Variants in SUCLG2 observed in about 807,000 individuals in gnomAD.
SUCLG2 encodes the protein succinate-CoA ligase GDP-forming subunit beta, also known as succinate--CoA ligase [GDP-forming] subunit beta, mitochondrial.
A neutral mutation model predicts 47.9 loss-of-function variants in SUCLG2; 42 were observed. The ratio of observed to expected loss-of-function variants is 0.88; its 90% CI spans 0.69 to 1.14. The LOEUF (loss-of-function observed/expected upper bound fraction) is 1.14, where lower values mean the gene tolerates loss of function less well. Ranked by LOEUF, SUCLG2 falls within the 50% of genes most tolerant of loss-of-function variation. The pLI, the probability that SUCLG2 is intolerant of heterozygous loss-of-function variation, is 0.00. For synonymous variants in SUCLG2, 195 were observed against 197.3 expected, an observed-to-expected ratio of 0.99 and a Z score of 0.10; for missense variants, 571 against 525.9, an observed-to-expected ratio of 1.09 and a Z score of -0.84.
intron 9 of SUCLG2, among the ~76,000 whole-genome samples, chr3:67,461,810 C>T (rs1575711813): frequency 6.6e-6 from 1 of 151,992 alleles, no homozygotes; most frequent in Non-Finnish European, 1.5e-5. Context: ...TGGTCCATCC[C>T]GCCCCAGTTC....
intron 9 of SUCLG2, among the ~76,000 whole-genome samples, chr3:67,477,233 G>A (rs961048457): frequency 1.3e-4 from 20 of 152,096 alleles, no homozygotes; most frequent in African/African-American, 4.8e-4. Context: ...CTGGAGTAAG[G>A]TCTGGGTATG....
chr3:67,449,917 T>C (rs897214462), intron 9 of SUCLG2, among the ~76,000 whole-genome samples: 4 of 152,180 alleles, frequency 2.6e-5, no homozygotes, highest in African/African-American at 9.7e-5. Flanking sequence ...TCGGCCATGC[T>C]GAATATTTTA....
intron 9 of SUCLG2, among the ~76,000 whole-genome samples, chr3:67,445,772 T>A (rs182902458): frequency 0.13 from 7,151 of 54,548 alleles, 1,715 homozygotes; most frequent in African/African-American, 0.25. Context: ...AAATTTCATT[T>A]AAAAAAAAAA....
chr3:67,484,108 C>G (rs1472594367), intron 9 of SUCLG2, among the ~76,000 whole-genome samples: 2 of 152,234 alleles, frequency 1.3e-5, no homozygotes, highest in African/African-American at 2.4e-5. Flanking sequence ...TAAGGCCCCT[C>G]CCTACTGCCA....
intron 10 of SUCLG2, among the ~76,000 whole-genome samples, chr3:67,384,659 A>G (rs1003877651): frequency 6.6e-6 from 1 of 152,226 alleles, no homozygotes; most frequent in African/African-American, 2.4e-5. Flanking sequence ...CTGACTTGAT[A>G]TAGTGGTAAG....
At chr3:67,550,907 G>A (rs1706997420) in intron 2 of SUCLG2, among the ~76,000 whole-genome samples, 1 of 152,084 alleles carries the variant, frequency 6.6e-6, no homozygotes, top group South Asian at 2.1e-4. Context: ...AACGGGGGGT[G>A]GGGGCAGGGG....
At chr3:67,475,717 T>A (rs61266458) in intron 9 of SUCLG2, among the ~76,000 whole-genome samples, 1,931 of 149,984 alleles carry the variant, frequency 0.013, 47 homozygotes, top group African/African-American at 0.045. Flanking sequence ...TTCCTTCCCC[T>A]CCTTTTTTTT....
At chr3:67,631,520 G>A (rs965704911) in intron 1 of SUCLG2, among the ~76,000 whole-genome samples, 4 of 152,070 alleles carry the variant, frequency 2.6e-5, no homozygotes, top group Non-Finnish European at 2.9e-5. Flanking sequence ...CCAGCTACTC[G>A]GGAGGCTGAG....
In SUCLG2 at chr3:67,423,584, T is replaced by C. The variant is rs796147090; in HGVS notation, c.1063-22733A>G. Reference sequence around the variant, plus strand: ...CATTTGAGTCTATCTTCCTCATGCCTCCCTCACCTCTTGGAGCCCAAATAC... The same window carrying C: ...CATTTGAGTCTATCTTCCTCATGCCCCCCTCACCTCTTGGAGCCCAAATAC... On this transcript the variant is annotated intron_variant, in intron 9 of 10. Coordinates refer to ENST00000307227, the MANE Select transcript of SUCLG2 (RefSeq NM_003848.4). 2.6e-5 allele frequency among the ~76,000 whole-genome samples: 4 copies of C among 152,148 alleles called. No individual in the cohort carries two copies. In the South Asian group the frequency reaches 8.3e-4, roughly 32 times the overall value.
intron 4 of SUCLG2, among the ~76,000 whole-genome samples, chr3:67,527,294 C>T (rs753820097): frequency 5.9e-5 from 9 of 152,324 alleles, no homozygotes; most frequent in South Asian, 2.1e-4. Context: ...GACCCTAATT[C>T]GCTGTTAGGA....
intron 2 of SUCLG2, among the ~76,000 whole-genome samples, chr3:67,566,939 C>A (rs1462677458): frequency 6.6e-6 from 1 of 152,154 alleles, no homozygotes; most frequent in African/African-American, 2.4e-5. Flanking sequence ...AATCCCAGCA[C>A]TTTGGGAGGC....
At chr3:67,449,480 G>A (rs1704002039) in intron 9 of SUCLG2, among the ~76,000 whole-genome samples, 1 of 151,122 alleles carries the variant, frequency 6.6e-6, no homozygotes, top group South Asian at 2.1e-4. Flanking sequence ...AATTAGTCCA[G>A]TCCTTTACTT....
At chr3:67,539,073 T>G (rs936756478) in intron 2 of SUCLG2, among the ~76,000 whole-genome samples, 1 of 152,222 alleles carries the variant, frequency 6.6e-6, no homozygotes, top group African/African-American at 2.4e-5. Flanking sequence ...CTGATTGTCC[T>G]GGCCACATCT....
At chr3:67,520,455 A>G in intron 5 of SUCLG2, 27 bp downstream of exon 5, 2 of 1,613,776 alleles carry the variant, frequency 1.2e-6, no homozygotes, top group Non-Finnish European at 1.7e-6. Context: ...ATCAATTAAT[A>G]GCAGGTAGCC....
intron 1 of SUCLG2, among the ~76,000 whole-genome samples, chr3:67,615,621 A>AACATACAC (rs1553670705): frequency 7.0e-6 from 1 of 142,086 alleles, no homozygotes; most frequent in Admixed American, 7.0e-5. Flanking sequence ...CACAAACACA[A>AACATACAC]ACACACACAC....
At chr3:67,360,527 C>G in exon 11 of SUCLG2, 1 of 1,242,620 alleles carries the variant, frequency 8.0e-7, no homozygotes, top group East Asian at 2.6e-5. Context: ...TTTTCCATTT[C>G]CATTAGCATG....
At chr3:67,469,457 C>T (rs1230307766) in intron 9 of SUCLG2, among the ~76,000 whole-genome samples, 2 of 152,206 alleles carry the variant, frequency 1.3e-5, no homozygotes, top group African/African-American at 2.4e-5. Flanking sequence ...TGGCTGGGTG[C>T]GGTGGCTCAC....
intron 9 of SUCLG2, among the ~76,000 whole-genome samples, chr3:67,459,559 T>A (rs970900535): frequency 6.6e-6 from 1 of 152,178 alleles, no homozygotes; most frequent in African/African-American, 2.4e-5. Flanking sequence ...ATTTGTGATA[T>A]AATGAAAAAG....
At chr3:67,480,141 T>C (rs1349141698) in intron 9 of SUCLG2, among the ~76,000 whole-genome samples, 1 of 69,392 alleles carries the variant, frequency 1.4e-5, no homozygotes, top group East Asian at 5.5e-4. Context: ...ATTCTCGGTT[T>C]GGTTAAGAAT....
Sources: allele counts gnomAD v4.1 joint callset (sites outside exome capture counted in the v4.1 genomes callset), GRCh38; gene constraint gnomAD v4.1.1; transcripts MANE v1.5; gene names NCBI Gene and HGNC (gene_info 2026-07-23, HGNC 2026-07-21).